SEC16B: variants seen among roughly 807,000 people sequenced by gnomAD.
The protein encoded by SEC16B is SEC16 homolog B, endoplasmic reticulum export factor, also known as protein transport protein Sec16B.
A neutral mutation model predicts 141.8 loss-of-function variants in SEC16B; 115 were observed. That is an observed-to-expected ratio of 0.81 (90% CI 0.70 to 0.95). The LOEUF is 0.95. Among genes scored for constraint, SEC16B ranks in the 40% least tolerant of loss-of-function variants. SEC16B has a pLI of 0.00. For synonymous variants in SEC16B, 493 were observed against 492.5 expected (o/e 1.00, Z -0.01); for missense variants, 1,291 against 1,312.3 (o/e 0.98, Z 0.25).
chr1:177,937,560 A>T (rs531270869), intron 18 of SEC16B, 47 bp from the exon 19 acceptor site: 1 of 1,406,848 alleles, frequency 7.1e-7, no homozygotes, highest in Non-Finnish European at 9.5e-7. Flanking sequence ...GAAATGCGGC[A>T]TTTGCATACT....
chr1:177,955,633 C>T (rs1250670626), intron 10 of SEC16B, among the ~76,000 whole-genome samples: 5 of 152,186 alleles, frequency 3.3e-5, no homozygotes, highest in Middle Eastern at 3.2e-3. Flanking sequence ...TGAGCCACCA[C>T]GCCCAGCATT....
chr1:177,931,917 G>T (rs1476492136), intron 24 of SEC16B, among the ~76,000 whole-genome samples: 1 of 151,992 alleles, frequency 6.6e-6, no homozygotes, highest in Non-Finnish European at 1.5e-5. Flanking sequence ...CCTCCTCCTG[G>T]GACAGGGAAA....
At chr1:177,969,862 G>A (rs1227800285) in intron 1 of SEC16B, 22 bp downstream of exon 1, 3 of 152,166 alleles carry the variant, frequency 2.0e-5, no homozygotes, top group Non-Finnish European at 4.4e-5. Context: ...GGGGAAAGAA[G>A]GGAGCGAGTG....
intron 1 of SEC16B, among the ~76,000 whole-genome samples, chr1:177,983,926 G>C (rs1654526697): frequency 1.3e-5 from 2 of 152,132 alleles, no homozygotes; most frequent in Non-Finnish European, 2.9e-5. Flanking sequence ...ATCCCCCAGG[G>C]AACAGCCTTT....
Position 177,961,616 on chromosome 1 carries a change from G to A in SEC16B, c.761C>T (p.Ser254Leu), listed in dbSNP as rs1156587721. The change falls in exon 6 of 26, where the codon TCA (serine) becomes TTA (leucine). Residue 254 changes from serine (S) to leucine (L), a missense_variant. Physicochemically the swap from Ser to Leu is moderately radical, Grantham distance 145. This residue lies in a region of SEC16B where 681 missense variants were observed against 675.5 expected (regional missense o/e 1.01). Transcript: ENST00000308284. ...AGCCTGAACTGGACTCCAAGCTGCTGAAGCTGGGGGATCATCCCGCTCCGG... is the reference window on the plus strand; with the variant it reads ...AGCCTGAACTGGACTCCAAGCTGCTAAAGCTGGGGGATCATCCCGCTCCGG... The part of the protein sequence containing the change: ...DAPERDDPPA[S>L]AAWSPVQADV... The A allele has an allele frequency of 6.2e-7, 1 of 1,613,584 alleles. No individual in the cohort carries two copies. Among genetic ancestry groups the A allele is most frequent in the Non-Finnish European group, 8.5e-7 (1 of 1,179,774 alleles).
At chr1:177,941,180 A>T (rs1228605657) in intron 16 of SEC16B, among the ~76,000 whole-genome samples, 1 of 152,234 alleles carries the variant, frequency 6.6e-6, no homozygotes, top group Non-Finnish European at 1.5e-5. Context: ...TTTATTCCAT[A>T]AACAAGTTTT....
chr1:177,951,905 T>C lies in SEC16B; in HGVS notation c.1545+9A>G, dbSNP rs750419608. 11 of 1,594,266 alleles carry C rather than the reference T, an allele frequency of 6.9e-6. No homozygotes were observed. Among genetic ancestry groups the C allele is most frequent in the East Asian group, 2.3e-5 (1 of 43,766 alleles). On this transcript the variant is annotated intron_variant, in intron 12 of 25. Transcript: ENST00000308284. ...CCTGGGTGATAAAGGAATCCTGTCA[T>C]AGGGGTACCGTGGCTGCCTGTGGAA...
At chr1:177,936,025 A>G (rs1225742298) in intron 20 of SEC16B, among the ~76,000 whole-genome samples, 4 of 152,258 alleles carry the variant, frequency 2.6e-5, no homozygotes, top group Non-Finnish European at 4.4e-5. Context: ...AGAAGATGTC[A>G]GAGGTAACAG....
chr1:177,976,194 A>G (rs557795295), intron 1 of SEC16B, among the ~76,000 whole-genome samples: 1 of 152,306 alleles, frequency 6.6e-6, no homozygotes, highest in African/African-American at 2.4e-5. Flanking sequence ...CTCTGCTGCC[A>G]AGAGCTGGAG....
At chr1:177,983,384 G>A (rs968974272) in intron 1 of SEC16B, among the ~76,000 whole-genome samples, 2 of 152,042 alleles carry the variant, frequency 1.3e-5, no homozygotes, top group African/African-American at 4.8e-5. Context: ...CTTCCATCTT[G>A]TTCACTTAGG....
chr1:177,958,409 G>A (rs1282427386), intron 9 of SEC16B, 47 bp from the exon 10 acceptor site: 2 of 1,440,568 alleles, frequency 1.4e-6, no homozygotes, highest in Non-Finnish European at 1.8e-6. Context: ...TGAGTCCTCA[G>A]GCTGGCAGCC....
intron 24 of SEC16B, among the ~76,000 whole-genome samples, chr1:177,931,006 A>G (rs568420083): frequency 6.6e-6 from 1 of 152,308 alleles, no homozygotes; most frequent in South Asian, 2.1e-4. Flanking sequence ...CTCTATGAAA[A>G]ACAGTATGAA....
intron 10 of SEC16B, among the ~76,000 whole-genome samples, chr1:177,955,468 C>T (rs921073305): frequency 6.6e-6 from 1 of 152,218 alleles, no homozygotes; most frequent in East Asian, 1.9e-4. Context: ...ATGCCTCAGC[C>T]TCCCAAGTAG....
intron 13 of SEC16B, among the ~76,000 whole-genome samples, chr1:177,946,983 G>A (rs182212916): frequency 2.6e-5 from 4 of 152,284 alleles, no homozygotes; most frequent in African/African-American, 9.6e-5. Flanking sequence ...GTTTTGAAAT[G>A]TTCTCCCATA....
At chr1:177,944,916 C>T (rs755798060) in intron 14 of SEC16B, among the ~76,000 whole-genome samples, 1 of 152,076 alleles carries the variant, frequency 6.6e-6, no homozygotes, top group Non-Finnish European at 1.5e-5. Context: ...CACTGGGAGG[C>T]GGAGGCTGCA....
At chr1:177,949,169 G>A (rs1557977415) in intron 12 of SEC16B, among the ~76,000 whole-genome samples, 1 of 152,116 alleles carries the variant, frequency 6.6e-6, no homozygotes, top group African/African-American at 2.4e-5. Context: ...AATGCAGTGA[G>A]AAGAGGATGA....
At chr1:177,961,300 T>C (rs1653040818) in intron 6 of SEC16B, 3 of 458,972 alleles carry the variant, frequency 6.5e-6, no homozygotes, top group African/African-American at 2.0e-5. Context: ...GCTTTTGCTT[T>C]TCCTAATTCT....
intron 25 of SEC16B, among the ~76,000 whole-genome samples, 178 bp downstream of exon 25, chr1:177,930,367 T>A (rs180686899): frequency 6.6e-6 from 1 of 152,172 alleles, no homozygotes; most frequent in Non-Finnish European, 1.5e-5. Flanking sequence ...CATATACATA[T>A]CTCTGAGCTA....
Position 177,937,355 on chromosome 1 carries a change from C to A in SEC16B, c.2362G>T (p.Gly788Cys), listed in dbSNP as rs199678124. The A allele has an allele frequency of 3.7e-6, 6 of 1,613,546 alleles. No homozygotes were observed. In the East Asian group the frequency reaches 1.1e-4, roughly 30 times the overall value. Residue 788 changes from glycine to cysteine, a missense_variant, in exon 19 of 26, where the codon GGT becomes TGT. Coordinates refer to ENST00000308284, the MANE Select transcript of SEC16B (RefSeq NM_033127.4). Reference sequence around the variant, plus strand: ...CTCGGTGTCCCTGTCTGCCCTGCACCCCCTCCTGCTGGGTAGGAGCCCGGC... The same window carrying A: ...CTCGGTGTCCCTGTCTGCCCTGCACACCCTCCTGCTGGGTAGGAGCCCGGC... Reference protein sequence around the residue: ...LQPGSYPAGGGAGQTGTPRPF... With the variant: ...LQPGSYPAGGCAGQTGTPRPF...
Sources: gnomAD v4.1 joint callset for allele counts (sites outside exome capture counted in the v4.1 genomes callset) on GRCh38, gnomAD v4.1.1 for gene constraint, gnomAD v4.1.1 regional missense constraint, MANE v1.5 for transcripts, NCBI Gene and HGNC (gene_info 2026-07-23, HGNC 2026-07-21) for gene names.